The following NRXN1 variants were observed in gnomAD, a reference collection of about 807,000 sequenced individuals.
The protein encoded by NRXN1 is neurexin 1.
A neutral mutation model predicts 150.9 loss-of-function variants in NRXN1; 39 were observed. That is an observed-to-expected ratio of 0.26 (90% confidence interval 0.20 to 0.34). NRXN1 has a LOEUF of 0.34. Ranked by LOEUF, NRXN1 falls within the 10% of genes least tolerant of loss-of-function variation. NRXN1 has a pLI of 1.00. For synonymous variants in NRXN1, 924 were observed against 757.0 expected (o/e 1.22, Z -3.62); for missense variants, 1,815 against 1,949.9 (o/e 0.93, Z 1.30).
chr2:50,227,387 A>G (rs186993570), intron 18 of NRXN1, among the ~76,000 whole-genome samples: 67 of 152,132 alleles, frequency 4.4e-4, no homozygotes, highest in Admixed American at 3.7e-3. Context: ...GCCCATGCCC[A>G]TCTCTGACCA....
chr2:50,255,570 C>T (rs975031765), intron 17 of NRXN1, among the ~76,000 whole-genome samples: 1 of 152,120 alleles, frequency 6.6e-6, no homozygotes, highest in African/African-American at 2.4e-5. Flanking sequence ...TCAAAATAAC[C>T]TCACATTTGA....
At chr2:50,821,210 C>G (rs1259510187) in intron 5 of NRXN1, among the ~76,000 whole-genome samples, 2 of 152,094 alleles carry the variant, frequency 1.3e-5, no homozygotes, top group East Asian at 3.9e-4. Context: ...GCCCACAGGC[C>G]CCATGCAGCC....
chr2:50,784,490 T>C (rs570652690), intron 5 of NRXN1, among the ~76,000 whole-genome samples: 1 of 151,980 alleles, frequency 6.6e-6, no homozygotes, highest in East Asian at 1.9e-4. Flanking sequence ...TGAAAAAACA[T>C]GGTGAGTATG....
intron 10 of NRXN1, among the ~76,000 whole-genome samples, chr2:50,535,231 A>G (rs1260196559): frequency 1.3e-5 from 2 of 152,266 alleles, no homozygotes; most frequent in Non-Finnish European, 2.9e-5. Context: ...AAATTATTTC[A>G]TCATTTAGAA....
At chr2:50,051,823 C>T (rs1573619897) in intron 21 of NRXN1, among the ~76,000 whole-genome samples, 1 of 152,128 alleles carries the variant, frequency 6.6e-6, no homozygotes, top group East Asian at 1.9e-4. Flanking sequence ...GTATCTGGCA[C>T]ATGTAGACAG....
At chr2:50,314,687 A>T (rs2075449490) in intron 17 of NRXN1, among the ~76,000 whole-genome samples, 1 of 152,068 alleles carries the variant, frequency 6.6e-6, no homozygotes, top group Admixed American at 6.6e-5. Context: ...AAATGAAAAA[A>T]AAGAATATAT....
chr2:50,790,004 G>A (rs776387888), intron 5 of NRXN1, among the ~76,000 whole-genome samples: 1 of 152,122 alleles, frequency 6.6e-6, no homozygotes, highest in Non-Finnish European at 1.5e-5. Context: ...ATCTCTGTCA[G>A]TGCTCCTGGT....
intron 5 of NRXN1, among the ~76,000 whole-genome samples, chr2:50,792,146 T>C (rs959142578): frequency 6.6e-6 from 1 of 152,130 alleles, no homozygotes; most frequent in Admixed American, 6.6e-5. Flanking sequence ...CGACTTTGGG[T>C]AAGACATAAT....
At chr2:50,078,114 C>T (rs957733447) in intron 19 of NRXN1, among the ~76,000 whole-genome samples, 11 of 151,920 alleles carry the variant, frequency 7.2e-5, no homozygotes, top group African/African-American at 2.2e-4. Context: ...TTTATTTTGT[C>T]ATTCTGTCTT....
chr2:50,372,236 A>T (rs1217401037), intron 17 of NRXN1, among the ~76,000 whole-genome samples: 1 of 152,020 alleles, frequency 6.6e-6, no homozygotes, highest in Non-Finnish European at 1.5e-5. Context: ...ACTTAAAAAC[A>T]ATGTTCTACT....
chr2:50,851,217 A>G (rs1458106522), intron 5 of NRXN1, among the ~76,000 whole-genome samples: 1 of 152,076 alleles, frequency 6.6e-6, no homozygotes, highest in African/African-American at 2.4e-5. Flanking sequence ...CTAGGCATTT[A>G]TTCCCCCCAA....
intron 5 of NRXN1, among the ~76,000 whole-genome samples, chr2:50,837,756 T>G (rs1348561013): frequency 6.6e-6 from 1 of 152,112 alleles, no homozygotes; most frequent in East Asian, 1.9e-4. Context: ...AGACAAAATG[T>G]TAACAGATTT....
intron 17 of NRXN1, among the ~76,000 whole-genome samples, chr2:50,265,965 GTTATTATTATTATTA>G (rs757745541): frequency 2.0e-4 from 26 of 132,370 alleles, no homozygotes; most frequent in Admixed American, 3.1e-4. Context: ...TTATTTCTTT[GTTATTATTATTATTA>G]TTATTATTAT....
chr2:50,465,902 C>T (rs2088783937), intron 16 of NRXN1, among the ~76,000 whole-genome samples: 1 of 151,702 alleles, frequency 6.6e-6, no homozygotes. Flanking sequence ...GAATGGATCT[C>T]CTTAACATTC....
chr2:50,096,897 G>A (rs1020417554), intron 18 of NRXN1, among the ~76,000 whole-genome samples: 1 of 152,152 alleles, frequency 6.6e-6, no homozygotes, highest in Non-Finnish European at 1.5e-5. Context: ...GCACTTGTAA[G>A]TTTTATGTTT....
At chr2:50,300,821 G>A (rs1196496783) in intron 17 of NRXN1, among the ~76,000 whole-genome samples, 1 of 152,084 alleles carries the variant, frequency 6.6e-6, no homozygotes, top group Non-Finnish European at 1.5e-5. Flanking sequence ...TCAGCCTCCT[G>A]AGTAGCCGGG....
chr2:50,072,602 C>CAAA lies in NRXN1; in HGVS notation c.3719-17561_3719-17559dup, dbSNP rs771043763. On this transcript the variant is annotated intron_variant, in intron 19 of 22. Coordinates refer to ENST00000401669, the MANE Select transcript of NRXN1 (RefSeq NM_001330078.2). ...TGTGAGGCTTGCTAAATAGTCATGG[C>CAAA]AAAAAAAAAAATAAAACAGCAACTT... is the stretch of plus-strand genomic sequence containing the variant. Among the ~76,000 whole-genome samples, 4 of 98,714 alleles carry CAAA rather than the reference C, an allele frequency of 4.1e-5. 1 individual carries two copies. Among genetic ancestry groups the CAAA allele is most frequent in the South Asian group, 3.3e-4 (1 of 3,060 alleles). 64.8% of individuals were successfully genotyped at this position (98,714 alleles called of 152,430 possible).
intron 5 of NRXN1, among the ~76,000 whole-genome samples, chr2:50,792,751 G>A (rs181560453): frequency 3.3e-5 from 5 of 151,864 alleles, no homozygotes; most frequent in African/African-American, 1.2e-4. Flanking sequence ...TACAAAGAAG[G>A]TATCCCATTT....
At chr2:50,714,862 AG>A (rs1003020900) in intron 5 of NRXN1, among the ~76,000 whole-genome samples, 8 of 152,164 alleles carry the variant, frequency 5.3e-5, no homozygotes, top group Non-Finnish European at 8.8e-5. Context: ...TGTTAAACAT[AG>A]GTAGTAACAC....
Sources: gnomAD v4.1 joint callset for allele counts (sites outside exome capture counted in the v4.1 genomes callset) on GRCh38, gnomAD v4.1.1 for gene constraint, MANE v1.5 for transcripts, NCBI Gene and HGNC (gene_info 2026-07-23, HGNC 2026-07-21) for gene names.